Variants in LRRC4C observed in about 807,000 individuals in gnomAD.
LRRC4C encodes leucine rich repeat containing 4C.
LRRC4C carries 5 observed loss-of-function variants against 33.6 expected under a neutral mutation model. That is an observed-to-expected ratio of 0.15 (90% CI 0.08 to 0.31). LRRC4C has a LOEUF of 0.31. LRRC4C is among the 10% of genes least tolerant of loss of function. The pLI, the probability that LRRC4C is intolerant of heterozygous loss-of-function variation, is 1.00. For missense variants in LRRC4C, 560 were observed against 796.7 expected (o/e 0.70, Z 3.58); for synonymous variants, 329 against 302.0 (o/e 1.09, Z -0.93).
intron 3 of LRRC4C, among the ~76,000 whole-genome samples, chr11:40,634,721 A>C (rs75048425): frequency 7.7e-6 from 1 of 129,632 alleles, no homozygotes; most frequent in African/African-American, 4.0e-5. Context: ...ATAAGAAAAT[A>C]AAAAAAAAAA....
intron 1 of LRRC4C, among the ~76,000 whole-genome samples, chr11:41,316,276 AAAAC>A (rs1950790994): frequency 6.7e-6 from 1 of 150,194 alleles, no homozygotes; most frequent in African/African-American, 2.4e-5. Flanking sequence ...AAAAAAAAAA[AAAAC>A]AAAAAAAAAC....
chr11:40,976,546 T>C (rs1014457066), intron 1 of LRRC4C, among the ~76,000 whole-genome samples: 2 of 152,196 alleles, frequency 1.3e-5, no homozygotes, highest in African/African-American at 4.8e-5. Context: ...GGCTTTAGCA[T>C]GTAGAGAAAG....
At chr11:40,790,832 C>A (rs1340461742) in intron 2 of LRRC4C, among the ~76,000 whole-genome samples, 1 of 152,132 alleles carries the variant, frequency 6.6e-6, no homozygotes, top group Non-Finnish European at 1.5e-5. Flanking sequence ...TCCAACACAT[C>A]CTGTGAAAAT....
intron 1 of LRRC4C, among the ~76,000 whole-genome samples, chr11:41,427,282 A>ATTT (rs1955074513): frequency 6.6e-6 from 1 of 152,042 alleles, no homozygotes; most frequent in South Asian, 2.1e-4. Flanking sequence ...TTGCTGGTTT[A>ATTT]TTTTTTAAGT....
intron 4 of LRRC4C, among the ~76,000 whole-genome samples, chr11:40,270,156 CT>C (rs1942583761): frequency 2.0e-5 from 3 of 152,182 alleles, no homozygotes; most frequent in Admixed American, 1.3e-4. Flanking sequence ...CACAGCTCCC[CT>C]GTCCAGTTAA....
chr11:40,443,326 G>A (rs147261207), intron 3 of LRRC4C, among the ~76,000 whole-genome samples: 10 of 152,096 alleles, frequency 6.6e-5, no homozygotes, highest in Admixed American at 2.6e-4. Flanking sequence ...CTGTGGCGGC[G>A]CTTTCATTGC....
At chr11:40,866,185 A>AAAG (rs1954359602) in intron 2 of LRRC4C, among the ~76,000 whole-genome samples, 1 of 149,496 alleles carries the variant, frequency 6.7e-6, no homozygotes, top group Non-Finnish European at 1.5e-5. Flanking sequence ...AAAAAAAAAA[A>AAAG]GCGGTAAGAA....
intron 1 of LRRC4C, among the ~76,000 whole-genome samples, chr11:41,126,514 G>T (rs1388241936): frequency 6.6e-6 from 1 of 151,950 alleles, no homozygotes. Context: ...TGTTTTGCAT[G>T]CTGAAGAGAA....
chr11:40,333,416 T>C (rs1946447424), intron 3 of LRRC4C, among the ~76,000 whole-genome samples: 1 of 152,104 alleles, frequency 6.6e-6, no homozygotes, highest in Non-Finnish European at 1.5e-5. Flanking sequence ...GTAGTTGTCA[T>C]TTTTAAAATT....
At chr11:40,659,087 C>T (rs1943282106) in intron 2 of LRRC4C, among the ~76,000 whole-genome samples, 1 of 152,230 alleles carries the variant, frequency 6.6e-6, no homozygotes, top group Non-Finnish European at 1.5e-5. Context: ...CAGGAAGCCC[C>T]TACATCCATA....
At chr11:41,000,636 C>T (rs532849561) in intron 1 of LRRC4C, among the ~76,000 whole-genome samples, 2 of 152,262 alleles carry the variant, frequency 1.3e-5, no homozygotes, top group Admixed American at 1.3e-4. Context: ...TTGGCTGGAG[C>T]ACCCTATGGA....
intron 1 of LRRC4C, among the ~76,000 whole-genome samples, chr11:41,274,872 C>A (rs747134700): frequency 6.6e-6 from 1 of 152,052 alleles, no homozygotes; most frequent in Non-Finnish European, 1.5e-5. Flanking sequence ...ACTCCGGACA[C>A]AATATGGTTT....
chr11:41,393,548 G>A (rs563126606), intron 1 of LRRC4C, among the ~76,000 whole-genome samples: 3 of 151,900 alleles, frequency 2.0e-5, no homozygotes, highest in South Asian at 4.2e-4. Context: ...GAAACAGATC[G>A]CCACTGGTTC....
chr11:40,509,798 A>G (rs796490460), intron 3 of LRRC4C, among the ~76,000 whole-genome samples: 28 of 152,358 alleles, frequency 1.8e-4, no homozygotes, highest in African/African-American at 6.0e-4. Context: ...AACATAGGCA[A>G]CTATAGTTAT....
At position 40,988,713 on chromosome 11, in the gene LRRC4C, C is replaced by CCT. The variant is rs1203305681; in HGVS notation, c.-495-54991_-495-54990insAG. Among the ~76,000 whole-genome samples the CCT allele has an allele frequency of 6.6e-4, 38 of 57,746 alleles. 2 individuals are homozygous for CCT. Among genetic ancestry groups the CCT allele is most frequent in the East Asian group, 1.5e-3 (2 of 1,366 alleles). The allele number at this position is 57,746 out of a possible 152,430, so 37.9% of individuals were successfully genotyped here. On this transcript the variant is annotated intron_variant, in intron 1 of 6. Transcript: ENST00000528697. ...CATTTGTTTTCCTTTCTTTTCTTTT[C>CCT]TTTTTTTTTTTTTTTTTTTTTGAGA...
intron 1 of LRRC4C, among the ~76,000 whole-genome samples, chr11:41,234,250 A>G (rs1947926135): frequency 6.6e-6 from 1 of 152,030 alleles, no homozygotes; most frequent in African/African-American, 2.4e-5. Context: ...GACAAATGAA[A>G]TTGTGTATAT....
intron 1 of LRRC4C, among the ~76,000 whole-genome samples, chr11:41,364,903 AT>A (rs1167973456): frequency 6.6e-6 from 1 of 152,202 alleles, no homozygotes; most frequent in Non-Finnish European, 1.5e-5. Context: ...TAAGGCGGAA[AT>A]ATAACTTACT....
intron 4 of LRRC4C, among the ~76,000 whole-genome samples, chr11:40,298,247 G>A (rs1342833201): frequency 6.6e-6 from 1 of 152,098 alleles, no homozygotes; most frequent in Non-Finnish European, 1.5e-5. Context: ...AGTTAGCAAT[G>A]AGTGCATAAT....
At chr11:40,696,732 C>T (rs1565645826) in intron 2 of LRRC4C, among the ~76,000 whole-genome samples, 2 of 106,112 alleles carry the variant, frequency 1.9e-5, no homozygotes, top group Admixed American at 1.0e-4. Flanking sequence ...TGTCTCTGTG[C>T]ATATATATAC....
Sources: gnomAD v4.1 joint callset for allele counts (sites outside exome capture counted in the v4.1 genomes callset) on GRCh38, gnomAD v4.1.1 for gene constraint, MANE v1.5 for transcripts, NCBI Gene and HGNC (gene_info 2026-07-23, HGNC 2026-07-21) for gene names.